The following OSBPL1A variants were observed in gnomAD, a reference collection of about 807,000 sequenced individuals.
OSBPL1A encodes the protein oxysterol-binding protein-related protein 1.
In OSBPL1A, 80 loss-of-function variants were observed where a neutral mutation model predicts 137.1. The observed-to-expected ratio is 0.58, with a 90% CI of 0.49 to 0.70. OSBPL1A has a LOEUF of 0.70. Among genes scored for constraint, OSBPL1A ranks in the 30% least tolerant of loss-of-function variants. The probability of loss-of-function intolerance (pLI) is 0.00; values close to 1 mark genes in which losing one functional copy is unlikely to be tolerated. For synonymous variants in OSBPL1A, 365 were observed against 389.7 expected (o/e 0.94, Z 0.75); for missense variants, 970 against 1,129.4 (o/e 0.86, Z 2.02).
intron 17 of OSBPL1A, among the ~76,000 whole-genome samples, chr18:24,219,397 A>G (rs1005245329): frequency 4.6e-5 from 7 of 152,344 alleles, no homozygotes; most frequent in East Asian, 3.9e-4. Context: ...TCAAGGGTTC[A>G]TTATATTATT....
intron 1 of OSBPL1A, among the ~76,000 whole-genome samples, chr18:24,377,845 G>T (rs1906306642): frequency 6.6e-6 from 1 of 152,156 alleles, no homozygotes; most frequent in South Asian, 2.1e-4. Flanking sequence ...AAAGCATTCT[G>T]TCAAATACAT....
chr18:24,175,113 TATATATATATATATATATATATACAC>T lies in OSBPL1A; in HGVS notation c.2094-2656_2094-2631del, dbSNP rs1298743446. On this transcript the variant is annotated intron_variant, in intron 21 of 27. Transcript: ENST00000319481. ...TGCTTATTTGCCATGTGTATGTATA[TATATATATATATATATATATATACAC>T]ATATATATATATATATGAAGTATCT... 5.8e-3 allele frequency among the ~76,000 whole-genome samples: 92 copies of T among 15,770 alleles called. 7 individuals are homozygous for T. The highest frequency in any genetic ancestry group is 8.0e-3 in the African/African-American group (88 of 10,960). The allele number at this position is 15,770 out of a possible 152,430, so 10.3% of individuals were successfully genotyped here.
intron 14 of OSBPL1A, among the ~76,000 whole-genome samples, chr18:24,285,719 T>C (rs538074430): frequency 9.2e-5 from 14 of 152,226 alleles, no homozygotes; most frequent in Non-Finnish European, 1.8e-4. Context: ...CTACAAAATC[T>C]AGTGACAAAG....
intron 15 of OSBPL1A, among the ~76,000 whole-genome samples, chr18:24,248,818 A>G (rs1049163103): frequency 2.0e-5 from 3 of 152,244 alleles, no homozygotes; most frequent in African/African-American, 4.8e-5. Context: ...GAATCAATAT[A>G]AACCCAGAAT....
In OSBPL1A at chr18:24,303,453, TA is replaced by T. The variant is rs2090442136; in HGVS notation, c.1174+183del. Reference sequence around the variant, plus strand: ...AAAGGATAAAAACATTATTAATCTCTAAAGCAAGCATCCTCTGTGAGTAGAA... The same window carrying T: ...AAAGGATAAAAACATTATTAATCTCTAAGCAAGCATCCTCTGTGAGTAGAA... On this transcript the variant is annotated intron_variant, in intron 14 of 27. Transcript: ENST00000319481. 2.0e-5 allele frequency among the ~76,000 whole-genome samples: 3 copies of T among 152,222 alleles called. No homozygotes were observed. In the South Asian group the frequency reaches 6.2e-4, roughly 31 times the overall value.
chr18:24,269,851 A>AACACACACACACACACAC (rs147895357), intron 15 of OSBPL1A, among the ~76,000 whole-genome samples: 1,930 of 140,030 alleles, frequency 0.014, 32 homozygotes, highest in African/African-American at 0.025. Context: ...TGACAAGCCT[A>AACACACACACACACACAC]ACACACACAC....
At chr18:24,380,994 G>C (rs1349982552) in intron 1 of OSBPL1A, among the ~76,000 whole-genome samples, 1 of 151,062 alleles carries the variant, frequency 6.6e-6, no homozygotes, top group Non-Finnish European at 1.5e-5. Context: ...AAAGTAAAAA[G>C]CTCTTATAAA....
chr18:24,243,541 G>C lies in OSBPL1A; in HGVS notation c.1282-4159C>G, dbSNP rs369186993. ...CAGCAAAGTAGCAAGATAAATGATA[G>C]AGGCCCATAAATATCCAGTCCCCTC... On this transcript the variant is annotated intron_variant, in intron 15 of 27. Transcript: ENST00000319481. 2.0e-5 allele frequency among the ~76,000 whole-genome samples: 3 copies of C among 152,118 alleles called. No individual in the cohort carries two copies. The East Asian group carries it at 5.8e-4, about 29-fold the overall frequency.
rs115059716 is a variant in OSBPL1A at position 24,395,163 on chromosome 18, G to A, written c.-3+2492C>T. Among the ~76,000 whole-genome samples, 898 of 152,280 alleles carry A rather than the reference G, an allele frequency of 5.9e-3. 13 individuals carry two copies. The highest frequency in any genetic ancestry group is 0.021 in the African/African-American group (864 of 41,538). On this transcript the variant is annotated intron_variant, in intron 1 of 27. Coordinates refer to ENST00000319481, the MANE Select transcript of OSBPL1A (RefSeq NM_080597.4). ...GTGCTAAAACCTGTCCTCTTTCTAG[G>A]AAATTCAGAGAACTTGCTAGGTCAT... is the stretch of plus-strand genomic sequence containing the variant.
chr18:24,335,581 C>T (rs917866200), intron 5 of OSBPL1A, among the ~76,000 whole-genome samples: 3 of 152,270 alleles, frequency 2.0e-5, no homozygotes, highest in African/African-American at 7.2e-5. Flanking sequence ...TTTCAGAGAA[C>T]GACTTGGTGA....
At chr18:24,388,819 A>C (rs1056673023) in intron 1 of OSBPL1A, among the ~76,000 whole-genome samples, 1 of 151,606 alleles carries the variant, frequency 6.6e-6, no homozygotes, top group Non-Finnish European at 1.5e-5. Flanking sequence ...AAAAAAAAAA[A>C]AACCAAAAAT....
At chr18:24,272,764 T>A (rs275873) in intron 15 of OSBPL1A, among the ~76,000 whole-genome samples, 1 of 152,192 alleles carries the variant, frequency 6.6e-6, no homozygotes, top group African/African-American at 2.4e-5. Context: ...TTAAGTCCCA[T>A]TGAAGTTGGT....
At chr18:24,196,260 G>A in intron 17 of OSBPL1A, 60 bp from the exon 18 acceptor site, 1 of 1,176,930 alleles carries the variant, frequency 8.5e-7, no homozygotes, top group Middle Eastern at 1.9e-4. Context: ...CAGGAGGGAA[G>A]AACTGCTTTC....
At chr18:24,275,274 T>C (rs574709844) in intron 15 of OSBPL1A, among the ~76,000 whole-genome samples, 17 of 151,904 alleles carry the variant, frequency 1.1e-4, no homozygotes, top group African/African-American at 4.1e-4. Flanking sequence ...AGAAGCAGAA[T>C]GGAAGGAGAC....
intron 7 of OSBPL1A, among the ~76,000 whole-genome samples, chr18:24,323,342 C>A: frequency 6.6e-6 from 1 of 150,628 alleles, no homozygotes; most frequent in Middle Eastern, 3.4e-3. Context: ...CGCTTGATGC[C>A]AGCAGTTCGA....
At chr18:24,360,082 C>T (rs2146184659) in intron 4 of OSBPL1A, among the ~76,000 whole-genome samples, 1 of 152,306 alleles carries the variant, frequency 6.6e-6, no homozygotes, top group South Asian at 2.1e-4. Context: ...ATTCTCCTGC[C>T]TCAGCCTCCT....
intron 15 of OSBPL1A, among the ~76,000 whole-genome samples, chr18:24,243,433 A>C (rs773332671): frequency 3.3e-4 from 50 of 152,186 alleles, no homozygotes; most frequent in Non-Finnish European, 6.0e-4. Flanking sequence ...TGCTGTTGAC[A>C]CCATATCTTT....
At chr18:24,387,720 T>A (rs148875237) in intron 1 of OSBPL1A, among the ~76,000 whole-genome samples, 67 of 151,938 alleles carry the variant, frequency 4.4e-4, no homozygotes, top group African/African-American at 1.4e-3. Flanking sequence ...AGCCCACAAT[T>A]TCTTTTCTCA....
At chr18:24,321,031 A>AG in intron 7 of OSBPL1A, among the ~76,000 whole-genome samples, 1 of 136,782 alleles carries the variant, frequency 7.3e-6, no homozygotes, top group African/African-American at 2.6e-5. Context: ...TTCGTCTCAA[A>AG]AAAAAAAAAA....
Sources: gnomAD v4.1 joint callset for allele counts (sites outside exome capture counted in the v4.1 genomes callset) on GRCh38, gnomAD v4.1.1 for gene constraint, MANE v1.5 for transcripts, NCBI Gene and HGNC (gene_info 2026-07-23, HGNC 2026-07-21) for gene names.